Variants in CFHR5 observed in about 807,000 individuals in gnomAD.
CFHR5 encodes complement factor H related 5.
Under a neutral mutation model 62.9 loss-of-function variants are expected in CFHR5, and 73 were observed. That is an observed-to-expected ratio of 1.16 (90% CI 0.96 to 1.41). CFHR5 has a LOEUF of 1.41. Ranked by LOEUF, CFHR5 falls within the 40% of genes most tolerant of loss-of-function variation. The pLI, the probability that CFHR5 is intolerant of heterozygous loss-of-function variation, is 0.00. For synonymous variants in CFHR5, 249 were observed against 227.2 expected (o/e 1.10, Z -0.86); for missense variants, 779 against 679.9 (o/e 1.15, Z -1.62).
chr1:197,002,691 C>A, intron 8 of CFHR5, 27 bp downstream of exon 8: 2 of 1,577,622 alleles, frequency 1.3e-6, no homozygotes, highest in Non-Finnish European at 1.7e-6. Flanking sequence ...TAAGTAATTT[C>A]ACTTAAAAAG....
intron 7 of CFHR5, among the ~76,000 whole-genome samples, chr1:197,002,010 G>A (rs1011247782): frequency 1.3e-5 from 2 of 152,072 alleles, no homozygotes; most frequent in African/African-American, 4.8e-5. Context: ...CCATTCTCAT[G>A]TTTACAAGAA....
At chr1:196,982,852 T>C (rs762681567) in intron 1 of CFHR5, 33 bp from the exon 2 acceptor site, 12 of 1,578,104 alleles carry the variant, frequency 7.6e-6, no homozygotes, top group Non-Finnish European at 1.0e-5. Flanking sequence ...TAGCTCTTTA[T>C]TTAATTCTTC....
intron 9 of CFHR5, among the ~76,000 whole-genome samples, chr1:197,007,502 A>G (rs1029059339): frequency 6.6e-6 from 1 of 151,838 alleles, no homozygotes; most frequent in Admixed American, 6.6e-5. Flanking sequence ...GATCGGCAAA[A>G]AGAAAAAAGT....
rs1219769515 is a variant in CFHR5 at position 196,994,368 on chromosome 1, G to A, written c.607+112G>A. 7.8e-6 allele frequency: 7 copies of A among 898,666 alleles called. No homozygotes were observed. In the South Asian group the frequency reaches 8.7e-5, roughly 11 times the overall value. 55.7% of individuals were successfully genotyped at this position (898,666 alleles called of 1,614,324 possible). A position where few individuals can be genotyped will look rare whatever the true frequency, so the allele number is the denominator to read the frequency against. ...TATAATCTGACAAAGTGGTAAAATGGCAAAGGAGAAAGGATGCAGTTCTAT... is the reference window on the plus strand; with the variant it reads ...TATAATCTGACAAAGTGGTAAAATGACAAAGGAGAAAGGATGCAGTTCTAT... On this transcript the variant is annotated intron_variant, in intron 4 of 9. Transcript: ENST00000256785.
At chr1:196,998,353 A>G in intron 7 of CFHR5, 49 bp downstream of exon 7, 1 of 1,429,020 alleles carries the variant, frequency 7.0e-7, no homozygotes, top group African/African-American at 1.4e-5. Context: ...TCTTTACAAG[A>G]AAAATTATTT....
chr1:196,982,939 A>G lies in CFHR5; in HGVS notation c.113A>G (p.Asp38Gly), dbSNP rs745812033. 1 of 1,614,132 alleles carries G rather than the reference A, an allele frequency of 6.2e-7. No homozygotes were observed. Among genetic ancestry groups the G allele is most frequent in the East Asian group, 2.2e-5 (1 of 44,860 alleles). The change falls in exon 2 of 10, where the codon GAT becomes GGT. Residue 38 changes from aspartate to glycine, a missense_variant. Transcript: ENST00000256785. Reference sequence around the variant, plus strand: ...CATGGATTTCTGTATGATGAAGAAGATTATAACCCTTTTTCCCAAGTTCCT... The same window carrying G: ...CATGGATTTCTGTATGATGAAGAAGGTTATAACCCTTTTTCCCAAGTTCCT... ...IHHGFLYDEEDYNPFSQVPTG... is the reference protein window; with the variant it reads ...IHHGFLYDEEGYNPFSQVPTG...
chr1:196,989,662 C>T (rs898850225), intron 3 of CFHR5, among the ~76,000 whole-genome samples: 4 of 152,106 alleles, frequency 2.6e-5, no homozygotes, highest in Admixed American at 2.6e-4. Context: ...TGTTCAGTTT[C>T]CATGTAGTGG....
intron 7 of CFHR5, among the ~76,000 whole-genome samples, chr1:197,000,395 G>A (rs1020583208): frequency 3.9e-5 from 6 of 152,038 alleles, no homozygotes; most frequent in Admixed American, 2.6e-4. Flanking sequence ...TTATATCAGT[G>A]CTGTTTCAAC....
intron 4 of CFHR5, among the ~76,000 whole-genome samples, chr1:196,995,358 G>A (rs931986824): frequency 9.2e-5 from 14 of 152,070 alleles, no homozygotes. Context: ...ATGTCTTTAT[G>A]AGATAGCATT....
chr1:196,986,498 G>T (rs1186620712), intron 3 of CFHR5, among the ~76,000 whole-genome samples: 3 of 151,814 alleles, frequency 2.0e-5, no homozygotes, highest in Non-Finnish European at 4.4e-5. Flanking sequence ...TATGTATTTT[G>T]CCTAATGCTA....
rs772279590 is a variant in CFHR5, at chr1:196,983,085, TA to T, written c.253+9del. 70 of 1,613,800 alleles carry T rather than the reference TA, an allele frequency of 4.3e-5. No individual in the cohort carries two copies. The highest frequency in any genetic ancestry group is 5.3e-5 in the Non-Finnish European group (62 of 1,179,894). Reference sequence around the variant, plus strand: ...ACCAACACCGAAGTGTCTCAGTGAGTAAATGCCCTGTTCATTAAATGGATGT... The same window carrying T: ...ACCAACACCGAAGTGTCTCAGTGAGTAATGCCCTGTTCATTAAATGGATGT... On this transcript the variant is annotated splice_region_variant and intron_variant, in intron 2 of 9. Transcript: ENST00000256785.
intron 1 of CFHR5, 29 bp from the exon 2 acceptor site, chr1:196,982,856 A>G: frequency 1.3e-6 from 2 of 1,583,712 alleles, no homozygotes; most frequent in South Asian, 1.1e-5. Context: ...TCTTTATTTA[A>G]TTCTTCAGTT....
chr1:196,984,212 G>C, intron 3 of CFHR5, 75 bp downstream of exon 3: 7 of 1,263,768 alleles, frequency 5.5e-6, no homozygotes, highest in Non-Finnish European at 7.9e-6. Flanking sequence ...ATTAAATATA[G>C]GTTAAATATA....
intron 3 of CFHR5, among the ~76,000 whole-genome samples, chr1:196,986,959 G>A (rs933574859): frequency 6.6e-6 from 1 of 152,170 alleles, no homozygotes; most frequent in African/African-American, 2.4e-5. Flanking sequence ...CTACCACAAT[G>A]GTTGAACTAG....
chr1:197,000,030 G>GGT (rs1654106261), intron 7 of CFHR5, among the ~76,000 whole-genome samples: 1 of 151,462 alleles, frequency 6.6e-6, no homozygotes, highest in Non-Finnish European at 1.5e-5. Context: ...AATCAAGAAT[G>GGT]GTGTGCATAC....
In CFHR5 at chr1:197,004,612, T is replaced by C. The variant is rs543194015; in HGVS notation, c.1331-49T>C. On this transcript the variant is annotated intron_variant, in intron 8 of 9. Transcript: ENST00000256785. ...TGATACATGATGCTTCATTATATTA[T>C]TTTGTTTAAACTAACATAATGTCTC... 4.3e-6 allele frequency: 6 copies of C among 1,388,864 alleles called. No homozygotes were observed. The East Asian group carries it at 1.4e-4, about 32-fold the overall frequency. The allele number at this position is 1,388,864 out of a possible 1,614,324, so 86.0% of individuals were successfully genotyped here.
At chr1:197,000,560 T>G (rs1180261385) in intron 7 of CFHR5, among the ~76,000 whole-genome samples, 1 of 152,192 alleles carries the variant, frequency 6.6e-6, no homozygotes, top group Non-Finnish European at 1.5e-5. Flanking sequence ...CTAACTCACT[T>G]AGTTGGGACT....
chr1:196,997,812 AC>A (rs1187651764), intron 6 of CFHR5, among the ~76,000 whole-genome samples: 3 of 152,188 alleles, frequency 2.0e-5, no homozygotes, highest in African/African-American at 7.2e-5. Flanking sequence ...ATACATGTGT[AC>A]ATTTTCAGAG....
At chr1:196,990,008 T>C (rs1653802373) in intron 3 of CFHR5, among the ~76,000 whole-genome samples, 1 of 152,146 alleles carries the variant, frequency 6.6e-6, no homozygotes, top group Admixed American at 6.5e-5. Context: ...GGAGTCTAAG[T>C]CTCTTCGTAG....
Sources: gnomAD v4.1 joint callset for allele counts (sites outside exome capture counted in the v4.1 genomes callset) on GRCh38, gnomAD v4.1.1 for gene constraint, MANE v1.5 for transcripts, NCBI Gene and HGNC (gene_info 2026-07-23, HGNC 2026-07-21) for gene names.